Variants in LAMC1 observed in about 807,000 individuals in gnomAD.
LAMC1 encodes laminin subunit gamma-1.
A neutral mutation model predicts 173.6 loss-of-function variants in LAMC1; 38 were observed. That is an observed-to-expected ratio of 0.22 (90% confidence interval 0.17 to 0.29). LAMC1 has a LOEUF of 0.29. Among genes scored for constraint, LAMC1 ranks in the 10% least tolerant of loss-of-function variants. LAMC1 has a pLI of 1.00. For missense variants in LAMC1, 1,824 were observed against 2,051.8 expected (o/e 0.89, Z 2.14); for synonymous variants, 746 against 749.1 (o/e 1.00, Z 0.07).
intron 1 of LAMC1, among the ~76,000 whole-genome samples, chr1:183,053,902 AG>A (rs1654508147): frequency 6.6e-6 from 1 of 152,214 alleles, no homozygotes; most frequent in South Asian, 2.1e-4. Context: ...CTAGGATTAC[AG>A]GTGTGAGCCA....
intron 4 of LAMC1, among the ~76,000 whole-genome samples, chr1:183,114,258 A>G (rs898275260): frequency 2.0e-5 from 3 of 152,072 alleles, no homozygotes; most frequent in African/African-American, 7.2e-5. Context: ...TTTAGTAGAG[A>G]TGGGGTTTCA....
rs200189406 is a variant in LAMC1 at position 183,028,149 on chromosome 1, TTCC to T, written c.418+4019_418+4021del. Among the ~76,000 whole-genome samples the T allele has an allele frequency of 1.3e-3, 195 of 146,518 alleles. 1 individual carries two copies. The highest frequency in any genetic ancestry group is 3.5e-3 in the Middle Eastern group (1 of 286). On this transcript the variant is annotated intron_variant, in intron 1 of 27. Transcript: ENST00000258341. ...GGGGAGAAGTTGGAGCTATAAGGCA[TTCC>T]TCCCCCCCCCCACCTCTTCCATTTG... is the stretch of plus-strand genomic sequence containing the variant.
At chr1:183,133,675 C>T (rs908396426) in intron 22 of LAMC1, 125 bp downstream of exon 22, 3 of 966,766 alleles carry the variant, frequency 3.1e-6, no homozygotes, top group Non-Finnish European at 4.4e-6. Context: ...TCTTATTTCA[C>T]ATACGCTAAT....
At chr1:183,039,827 A>C (rs1341144138) in intron 1 of LAMC1, among the ~76,000 whole-genome samples, 2 of 152,138 alleles carry the variant, frequency 1.3e-5, no homozygotes, top group Non-Finnish European at 2.9e-5. Context: ...GCTGTCTTTC[A>C]TGTGTTCTGC....
intron 4 of LAMC1, among the ~76,000 whole-genome samples, chr1:183,113,925 T>C (rs1656239801): frequency 6.6e-6 from 1 of 152,250 alleles, no homozygotes. Context: ...TATGAACAAT[T>C]ACCTGGAGGC....
intron 1 of LAMC1, among the ~76,000 whole-genome samples, chr1:183,068,657 A>G (rs980302136): frequency 6.6e-6 from 1 of 152,114 alleles, no homozygotes; most frequent in Non-Finnish European, 1.5e-5. Context: ...AAAGTGACAC[A>G]TGGGCTGGGC....
intron 1 of LAMC1, among the ~76,000 whole-genome samples, chr1:183,076,492 T>C (rs907458965): frequency 8.5e-5 from 13 of 152,218 alleles, no homozygotes; most frequent in African/African-American, 2.9e-4. Flanking sequence ...TGACCGTTTG[T>C]TCATCCTTCT....
chr1:183,117,948 G>GAATAAGAAATATTCA, intron 10 of LAMC1, 86 bp from the exon 11 acceptor site: 1 of 844,034 alleles, frequency 1.2e-6, no homozygotes, highest in South Asian at 1.6e-5. Flanking sequence ...GCATTGCATT[G>GAATAAGAAATATTCA]TTGGGGCATA....
At chr1:183,049,187 C>T (rs1218043553) in intron 1 of LAMC1, among the ~76,000 whole-genome samples, 1 of 152,164 alleles carries the variant, frequency 6.6e-6, no homozygotes, top group Non-Finnish European at 1.5e-5. Context: ...TTAAATAGTT[C>T]TCAGCAGAAT....
At chr1:183,053,668 C>A (rs942718881) in intron 1 of LAMC1, among the ~76,000 whole-genome samples, 2 of 152,078 alleles carry the variant, frequency 1.3e-5, no homozygotes, top group Non-Finnish European at 1.5e-5. Context: ...CTCTGTTGCC[C>A]AGGCTGGAGT....
Position 183,087,840 on chromosome 1 carries a change from T to G in LAMC1, c.419-15488T>G, listed in dbSNP as rs1481618511. Among the ~76,000 whole-genome samples the G allele has an allele frequency of 2.0e-5, 3 of 150,950 alleles. No individual in the cohort carries two copies. In the East Asian group the frequency reaches 5.8e-4, roughly 29 times the overall value. ...TCCTTTTTTTTTTTTTGAGACGGAG[T>G]TTTGCTCTTGTTGCCCAGGCTGGAG... On this transcript the variant is annotated intron_variant, in intron 1 of 27. Coordinates refer to ENST00000258341, the MANE Select transcript of LAMC1 (RefSeq NM_002293.4).
At chr1:183,072,797 G>T (rs1655041186) in intron 1 of LAMC1, among the ~76,000 whole-genome samples, 1 of 152,162 alleles carries the variant, frequency 6.6e-6, no homozygotes, top group African/African-American at 2.4e-5. Context: ...GATTCTCATA[G>T]GAGCATGAAC....
intron 2 of LAMC1, among the ~76,000 whole-genome samples, chr1:183,104,380 T>C (rs1345836353): frequency 6.6e-6 from 1 of 152,236 alleles, no homozygotes; most frequent in African/African-American, 2.4e-5. Flanking sequence ...TGTGAACTTT[T>C]CATATGTCCT....
intron 26 of LAMC1, chr1:183,138,579 A>G (rs1330899245): frequency 6.6e-6 from 1 of 152,170 alleles, no homozygotes; most frequent in African/African-American, 2.4e-5. Context: ...GGTCATTTTC[A>G]TCTTGGGATG....
intron 26 of LAMC1, among the ~76,000 whole-genome samples, chr1:183,139,430 C>G (rs1657043090): frequency 6.6e-6 from 1 of 152,214 alleles, no homozygotes; most frequent in Non-Finnish European, 1.5e-5. Context: ...GCAGGTGCAT[C>G]GCTCTTGGCC....
At chr1:183,111,462 C>T (rs1207935146) in intron 4 of LAMC1, among the ~76,000 whole-genome samples, 6 of 151,968 alleles carry the variant, frequency 3.9e-5, no homozygotes, top group African/African-American at 1.5e-4. Context: ...TCCCACTCCC[C>T]TGTTGGAGAG....
At chr1:183,058,340 T>C (rs1187813402) in intron 1 of LAMC1, among the ~76,000 whole-genome samples, 1 of 152,224 alleles carries the variant, frequency 6.6e-6, no homozygotes, top group African/African-American at 2.4e-5. Context: ...TATATGTGTC[T>C]GCTTCTTGAA....
At chr1:183,140,698 G>A in intron 27 of LAMC1, 195 bp downstream of exon 27, 2 of 365,852 alleles carry the variant, frequency 5.5e-6, no homozygotes, top group Admixed American at 4.5e-5. Flanking sequence ...TGTTTGTCTT[G>A]CATGACAGGG....
chr1:183,108,529 C>T (rs1255895235), intron 3 of LAMC1, 123 bp downstream of exon 3: 10 of 778,934 alleles, frequency 1.3e-5, no homozygotes, highest in East Asian at 3.0e-5. Flanking sequence ...AGAATAGGAG[C>T]GGCAGTCCTT....
Sources: allele counts gnomAD v4.1 joint callset (sites outside exome capture counted in the v4.1 genomes callset), GRCh38; gene constraint gnomAD v4.1.1; transcripts MANE v1.5; gene names NCBI Gene and HGNC (gene_info 2026-07-23, HGNC 2026-07-21).